The following FGF14 variants were observed in gnomAD, a reference collection of about 807,000 sequenced individuals.
FGF14 encodes fibroblast growth factor homologous factor 4.
Under a neutral mutation model 25.5 loss-of-function variants are expected in FGF14, and 5 were observed. The observed-to-expected ratio is 0.20, with a 90% CI of 0.10 to 0.41. The LOEUF (loss-of-function observed/expected upper bound fraction) is 0.41. FGF14 is among the 10% of genes least tolerant of loss of function. The pLI, the probability that FGF14 is intolerant of heterozygous loss-of-function variation, is 1.00. For missense variants in FGF14, 222 were observed against 320.1 expected (o/e 0.69, Z 2.34); for synonymous variants, 138 against 118.3 (o/e 1.17, Z -1.08).
intron 1 of FGF14, among the ~76,000 whole-genome samples, chr13:102,372,788 T>A (rs1164339030): frequency 1.3e-5 from 2 of 152,146 alleles, no homozygotes; most frequent in African/African-American, 2.4e-5. Context: ...GCAATGCTGG[T>A]ATTCCAATGT....
chr13:102,029,916 T>C (rs1272559897), intron 1 of FGF14, among the ~76,000 whole-genome samples: 1 of 152,044 alleles, frequency 6.6e-6, no homozygotes, highest in Non-Finnish European at 1.5e-5. Flanking sequence ...GCTAAGAATA[T>C]AGGAGGAAGC....
chr13:102,401,566 T>C (rs1246554087), exon 1 of FGF14: 2 of 1,614,082 alleles, frequency 1.2e-6, no homozygotes, highest in East Asian at 4.5e-5. Context: ...CCACATTGAT[T>C]TGGGCGAAAA....
intron 1 of FGF14, among the ~76,000 whole-genome samples, chr13:102,047,140 T>G (rs2042018812): frequency 6.6e-6 from 1 of 152,144 alleles, no homozygotes; most frequent in Non-Finnish European, 1.5e-5. Context: ...GTAGCCTAGA[T>G]AAGAGAACAA....
intron 1 of FGF14, among the ~76,000 whole-genome samples, chr13:102,270,440 G>C (rs919841239): frequency 6.6e-6 from 1 of 152,086 alleles, no homozygotes; most frequent in African/African-American, 2.4e-5. Context: ...TCTATAGATA[G>C]AAATTTCAGC....
intron 1 of FGF14, among the ~76,000 whole-genome samples, chr13:102,056,180 A>G (rs1012246240): frequency 1.3e-5 from 2 of 152,348 alleles, no homozygotes; most frequent in Middle Eastern, 3.4e-3. Context: ...TTGCACTACA[A>G]TGACAGAGTT....
At chr13:101,898,387 A>C (rs888923391) in intron 1 of FGF14, among the ~76,000 whole-genome samples, 8 of 131,724 alleles carry the variant, frequency 6.1e-5, no homozygotes, top group African/African-American at 2.6e-4. Flanking sequence ...TATCCCCAGA[A>C]ATGAGTATTG....
intron 1 of FGF14, among the ~76,000 whole-genome samples, chr13:102,258,045 G>A (rs1050665050): frequency 2.6e-5 from 4 of 152,172 alleles, no homozygotes; most frequent in African/African-American, 7.2e-5. Flanking sequence ...CATGGTGGAA[G>A]GTGAAAGGCA....
chr13:102,024,583 C>A (rs2040831834), intron 1 of FGF14, among the ~76,000 whole-genome samples: 1 of 151,894 alleles, frequency 6.6e-6, no homozygotes, highest in African/African-American at 2.4e-5. Context: ...TTTTGATGGT[C>A]TCCTTTGGAA....
chr13:101,864,583 C>T (rs1005680633), intron 3 of FGF14, among the ~76,000 whole-genome samples: 45 of 152,156 alleles, frequency 3.0e-4, no homozygotes, highest in African/African-American at 9.4e-4. Context: ...AGGTGATTCG[C>T]GTGAGCCCTA....
At chr13:101,952,141 A>G (rs531604792) in intron 1 of FGF14, among the ~76,000 whole-genome samples, 1 of 152,152 alleles carries the variant, frequency 6.6e-6, no homozygotes, top group Non-Finnish European at 1.5e-5. Context: ...TAAGCATCCA[A>G]ACTATGCATT....
intron 1 of FGF14, among the ~76,000 whole-genome samples, chr13:102,015,567 G>A (rs2040296778): frequency 1.3e-5 from 2 of 152,110 alleles, no homozygotes; most frequent in African/African-American, 2.4e-5. Context: ...CTGTTTCTAA[G>A]TGTTCACTGG....
chr13:102,001,997 G>A (rs1385581640), intron 1 of FGF14: 1 of 152,116 alleles, frequency 6.6e-6, no homozygotes, highest in Non-Finnish European at 1.5e-5. Flanking sequence ...TTAGCTCTTG[G>A]GATGATCCAA....
At chr13:101,826,402 G>A (rs935634023) in intron 3 of FGF14, among the ~76,000 whole-genome samples, 6 of 152,008 alleles carry the variant, frequency 3.9e-5, no homozygotes, top group Admixed American at 1.3e-4. Context: ...CAAATTTTGA[G>A]TAGACCGATC....
chr13:102,284,932 C>T (rs150431128), intron 1 of FGF14, among the ~76,000 whole-genome samples: 8 of 151,774 alleles, frequency 5.3e-5, no homozygotes, highest in Non-Finnish European at 8.8e-5. Flanking sequence ...TCTCCCCCTC[C>T]GTCTCTCTCT....
intron 3 of FGF14, among the ~76,000 whole-genome samples, chr13:101,775,963 T>C (rs1340654350): frequency 1.3e-5 from 2 of 152,130 alleles, no homozygotes; most frequent in Non-Finnish European, 2.9e-5. Flanking sequence ...GCAATGTTTT[T>C]CCAAGATAAA....
chr13:101,745,364 T>C (rs1472219417), intron 3 of FGF14, among the ~76,000 whole-genome samples: 3 of 152,042 alleles, frequency 2.0e-5, no homozygotes, highest in African/African-American at 7.2e-5. Flanking sequence ...TTATCATCAC[T>C]CAAAGTACAT....
rs181675597 is a variant in FGF14, at chr13:102,304,102, T to A, written c.208+97369A>T. Among the ~76,000 whole-genome samples, 106 of 152,182 alleles carry A rather than the reference T, an allele frequency of 7.0e-4. 1 individual carries two copies. Among genetic ancestry groups the A allele is most frequent in the African/African-American group, 2.3e-3 (97 of 41,536 alleles). On this transcript the variant is annotated intron_variant, in intron 1 of 4. Coordinates refer to the FGF14 transcript ENST00000376131. ...CACTACTGAACCCAAATCATCATCA[T>A]CATCATCATCATCATATGCACAAAC...
At chr13:101,847,340 T>C (rs1355278286) in intron 3 of FGF14, among the ~76,000 whole-genome samples, 1 of 152,026 alleles carries the variant, frequency 6.6e-6, no homozygotes, top group East Asian at 1.9e-4. Flanking sequence ...CCACTGAGAC[T>C]CTCAATCTGT....
intron 1 of FGF14, among the ~76,000 whole-genome samples, chr13:102,255,255 C>A (rs2052379990): frequency 6.6e-6 from 1 of 152,080 alleles, no homozygotes; most frequent in Non-Finnish European, 1.5e-5. Flanking sequence ...GAGGAAAGGC[C>A]AGAAGGGAAA....
Sources: allele counts gnomAD v4.1 joint callset (sites outside exome capture counted in the v4.1 genomes callset), GRCh38; gene constraint gnomAD v4.1.1; transcripts MANE v1.5; gene names NCBI Gene and HGNC (gene_info 2026-07-23, HGNC 2026-07-21).